Variants in SLC39A8 observed in about 807,000 individuals in gnomAD.
SLC39A8 encodes the protein metal cation symporter ZIP8.
A neutral mutation model predicts 40.4 loss-of-function variants in SLC39A8; 15 were observed. The observed-to-expected ratio is 0.37, with a 90% CI of 0.25 to 0.57. The LOEUF (loss-of-function observed/expected upper bound fraction) is 0.57, where lower values mean the gene tolerates loss of function less well. SLC39A8 is among the 20% of genes least tolerant of loss of function. The pLI is 0.75. For synonymous variants in SLC39A8, 223 were observed against 221.6 expected (o/e 1.01, Z -0.06); for missense variants, 472 against 558.8 (o/e 0.84, Z 1.57).
intron 7 of SLC39A8, 25 bp from the exon 8 acceptor site, chr4:102,267,699 A>G (rs947706850): frequency 9.6e-6 from 15 of 1,561,664 alleles, no homozygotes; most frequent in Non-Finnish European, 1.3e-5. Context: ...AGAAAATATC[A>G]AGTGAATAGT....
chr4:102,254,938 C>T (rs1377291225), intron 11 of SLC39A8, among the ~76,000 whole-genome samples: 1 of 152,114 alleles, frequency 6.6e-6, no homozygotes, highest in African/African-American at 2.4e-5. Context: ...ATAGTTGTCA[C>T]TGAGGAACAA....
chr4:102,311,459 GA>G (rs1734421834), intron 3 of SLC39A8, among the ~76,000 whole-genome samples: 1 of 152,030 alleles, frequency 6.6e-6, no homozygotes, highest in African/African-American at 2.4e-5. Context: ...ACACCTACAA[GA>G]AGCCACTTAA....
intron 3 of SLC39A8, among the ~76,000 whole-genome samples, chr4:102,310,844 T>C (rs899655343): frequency 6.6e-6 from 1 of 152,144 alleles, no homozygotes; most frequent in Non-Finnish European, 1.5e-5. Context: ...CCCTGAAAGA[T>C]TTTAATAGAT....
chr4:102,336,817 G>A (rs1267340112), intron 2 of SLC39A8, among the ~76,000 whole-genome samples: 8 of 152,154 alleles, frequency 5.3e-5, no homozygotes, highest in Admixed American at 2.0e-4. Context: ...TAAATCTCAA[G>A]GCTACTGAAA....
chr4:102,294,608 C>T (rs1226104995), intron 6 of SLC39A8, among the ~76,000 whole-genome samples: 1 of 151,982 alleles, frequency 6.6e-6, no homozygotes. Flanking sequence ...GCTATAAATG[C>T]CAACCTGTCT....
At chr4:102,275,633 C>CCT (rs1368869380) in intron 6 of SLC39A8, among the ~76,000 whole-genome samples, 1 of 152,106 alleles carries the variant, frequency 6.6e-6, no homozygotes, top group Non-Finnish European at 1.5e-5. Flanking sequence ...ACCAAGCTGA[C>CCT]CTAATAGATA....
chr4:102,316,278 C>T (rs774623116), intron 2 of SLC39A8, among the ~76,000 whole-genome samples: 2 of 152,146 alleles, frequency 1.3e-5, no homozygotes, highest in Admixed American at 6.5e-5. Flanking sequence ...TGGCTCCCTA[C>T]AGTTTCATGC....
rs547692558 is a variant in SLC39A8 at position 102,278,807 on chromosome 4, A to C, written c.841-10728T>G. On this transcript the variant is annotated intron_variant, in intron 6 of 8. Coordinates refer to ENST00000356736, the MANE Select transcript of SLC39A8 (RefSeq NM_001135146.2). ...GTATACACCACGGAATACTATGCAG[A>C]CATAAAAAAGGATGAGTTCATGTCC... Among the ~76,000 whole-genome samples the C allele has an allele frequency of 6.2e-4, 94 of 152,292 alleles. 1 individual carries two copies. In the South Asian group the frequency reaches 0.016, roughly 26 times the overall value.
intron 2 of SLC39A8, among the ~76,000 whole-genome samples, chr4:102,342,844 T>G (rs575841494): frequency 6.6e-6 from 1 of 152,196 alleles, no homozygotes; most frequent in East Asian, 1.9e-4. Context: ...CATCAACACC[T>G]CCAGACACTG....
rs201667134 is a variant in SLC39A8, at chr4:102,271,026, TGAG to T, written c.841-2950_841-2948del. Among the ~76,000 whole-genome samples, 477 of 150,128 alleles carry T rather than the reference TGAG, an allele frequency of 3.2e-3. 1 individual carries two copies. Among genetic ancestry groups the T allele is most frequent in the Non-Finnish European group, 5.9e-3 (400 of 67,454 alleles). On this transcript the variant is annotated intron_variant, in intron 6 of 8. Coordinates refer to ENST00000356736, the MANE Select transcript of SLC39A8 (RefSeq NM_001135146.2). ...AGCACAAGGAAAGGGAGAAGTAGCA[TGAG>T]GAGGAGGAGGAGGAAGACAAGTATA...
Position 102,262,786 on chromosome 4 carries a change from A to C in SLC39A8, c.*258T>G. ...TGCTTCATGGTGATATCTAATATGCATGGAATACTGAAAAATAGGTATTTC... is the reference window on the plus strand; with the variant it reads ...TGCTTCATGGTGATATCTAATATGCCTGGAATACTGAAAAATAGGTATTTC... On this transcript the variant is annotated 3_prime_UTR_variant, in exon 9 of 9. Transcript: ENST00000356736. 8.3e-7 allele frequency: 1 copy of C among 1,206,184 alleles called. No homozygotes were observed. Among genetic ancestry groups the C allele is most frequent in the East Asian group, 4.1e-5 (1 of 24,380 alleles). 74.7% of individuals were successfully genotyped at this position (1,206,184 alleles called of 1,614,324 possible). A position where few individuals can be genotyped will look rare whatever the true frequency, so the allele number is the denominator to read the frequency against.
At chr4:102,270,257 A>T (rs1732288998) in intron 6 of SLC39A8, among the ~76,000 whole-genome samples, 3 of 152,216 alleles carry the variant, frequency 2.0e-5, no homozygotes, top group Admixed American at 2.0e-4. Context: ...ATTTTACAGA[A>T]GAAATTAAAT....
At chr4:102,342,186 T>G (rs183134524) in intron 2 of SLC39A8, among the ~76,000 whole-genome samples, 13 of 152,330 alleles carry the variant, frequency 8.5e-5, no homozygotes, top group Non-Finnish European at 1.3e-4. Flanking sequence ...TAACCAATGA[T>G]TATTGTCATC....
intron 6 of SLC39A8, among the ~76,000 whole-genome samples, chr4:102,273,002 C>T (rs967177399): frequency 1.3e-5 from 2 of 152,170 alleles, no homozygotes; most frequent in Non-Finnish European, 2.9e-5. Context: ...TGGGTTTCAA[C>T]CACAAAACTG....
At chr4:102,264,925 C>T (rs1732032253) in intron 8 of SLC39A8, among the ~76,000 whole-genome samples, 6 of 152,226 alleles carry the variant, frequency 3.9e-5, no homozygotes, top group Admixed American at 3.9e-4. Context: ...CTGAAATAGG[C>T]TGTTGCTTAA....
At chr4:102,326,747 T>A (rs1359073860) in intron 2 of SLC39A8, among the ~76,000 whole-genome samples, 1 of 152,144 alleles carries the variant, frequency 6.6e-6, no homozygotes, top group Non-Finnish European at 1.5e-5. Context: ...GAGACCAAAA[T>A]GTTTGAGAAT....
intron 8 of SLC39A8, among the ~76,000 whole-genome samples, chr4:102,264,614 G>GACT (rs1447612381): frequency 3.0e-5 from 2 of 67,262 alleles, no homozygotes; most frequent in South Asian, 5.7e-4. Flanking sequence ...ACCAGGCATT[G>GACT]ACTTCTCTCT....
intron 2 of SLC39A8, among the ~76,000 whole-genome samples, chr4:102,330,967 T>G (rs1735427850): frequency 6.6e-6 from 1 of 152,208 alleles, no homozygotes; most frequent in African/African-American, 2.4e-5. Context: ...TTTGATAAGA[T>G]TCAACACCAC....
intron 2 of SLC39A8, among the ~76,000 whole-genome samples, chr4:102,325,814 C>G (rs1414873382): frequency 6.6e-6 from 1 of 152,152 alleles, no homozygotes; most frequent in African/African-American, 2.4e-5. Context: ...AAACAAAAGG[C>G]AGGCTGGAAT....
Sources: allele counts gnomAD v4.1 joint callset (sites outside exome capture counted in the v4.1 genomes callset), GRCh38; gene constraint gnomAD v4.1.1; transcripts MANE v1.5; gene names NCBI Gene and HGNC (gene_info 2026-07-23, HGNC 2026-07-21).